The following PDE6A variants were observed in gnomAD, a reference collection of about 807,000 sequenced individuals.
The protein encoded by PDE6A is rod cGMP-specific 3',5'-cyclic phosphodiesterase subunit alpha.
Under a neutral mutation model 106.3 loss-of-function variants are expected in PDE6A, and 84 were observed. The ratio of observed to expected loss-of-function variants is 0.79; its 90% confidence interval spans 0.66 to 0.95. PDE6A has a LOEUF of 0.95. Ranked by LOEUF, PDE6A falls within the 40% of genes least tolerant of loss-of-function variation. The pLI is 0.00. For missense variants in PDE6A, 1,052 were observed against 1,084.9 expected (o/e 0.97, Z 0.43); for synonymous variants, 394 against 386.6 (o/e 1.02, Z -0.23).
chr5:149,919,433 A>C (rs1276313432), intron 5 of PDE6A, among the ~76,000 whole-genome samples: 1 of 152,212 alleles, frequency 6.6e-6, no homozygotes, highest in Non-Finnish European at 1.5e-5. Flanking sequence ...GCTTGAGCCC[A>C]GGAGGCGGAG....
chr5:149,896,650 T>G, intron 11 of PDE6A, 61 bp downstream of exon 11: 1 of 1,613,966 alleles, frequency 6.2e-7, no homozygotes, highest in East Asian at 2.2e-5. Flanking sequence ...AACCCCTGCA[T>G]GCTCAGGAGC....
At chr5:149,915,191 T>C (rs2113629093) in intron 5 of PDE6A, among the ~76,000 whole-genome samples, 184 bp from the exon 6 acceptor site, 2 of 152,016 alleles carry the variant, frequency 1.3e-5, no homozygotes, top group South Asian at 2.1e-4. Context: ...CGCACCACCA[T>C]GCCCGGCTAA....
rs771724102 is a variant in PDE6A, at chr5:149,863,982, C to T, written c.2359-716G>A. Among the ~76,000 whole-genome samples the T allele has an allele frequency of 4.6e-5, 7 of 152,130 alleles. No individual in the cohort carries two copies. The highest frequency in any genetic ancestry group is 5.9e-5 in the Non-Finnish European group (4 of 68,014). ...CCCGTTTTCTTCCTTGAGGCCTCCA[C>T]TTATATGTCACTTCCTCCAAGAAGC... On this transcript the variant is annotated intron_variant, in intron 20 of 21. Coordinates refer to ENST00000255266, the MANE Select transcript of PDE6A (RefSeq NM_000440.3). This position sits in a 1 kb window ranked among gnomAD's most constrained non-coding sequence, Gnocchi z 4.7.
chr5:149,931,235 A>T (rs1196671221), intron 3 of PDE6A, 67 bp from the exon 4 acceptor site: 4 of 1,448,640 alleles, frequency 2.8e-6, no homozygotes, highest in Non-Finnish European at 2.9e-6. Context: ...TAGCTGGAGA[A>T]TAACAACAAT....
intron 4 of PDE6A, among the ~76,000 whole-genome samples, chr5:149,928,233 T>TATA (rs1163863793): frequency 2.1e-4 from 2 of 9,628 alleles, no homozygotes; most frequent in South Asian, 1.9e-3. Context: ...ATATATATAT[T>TATA]TTTTTTTTTT....
intron 8 of PDE6A, among the ~76,000 whole-genome samples, chr5:149,902,018 G>C (rs1581184599): frequency 6.6e-6 from 1 of 152,332 alleles, no homozygotes; most frequent in East Asian, 1.9e-4. Context: ...ACCAAAGGAA[G>C]TCACATTTTA....
At chr5:149,897,399 C>A (rs1195419254) in intron 10 of PDE6A, among the ~76,000 whole-genome samples, 1 of 152,112 alleles carries the variant, frequency 6.6e-6, no homozygotes, top group South Asian at 2.1e-4. Flanking sequence ...CGAGGCTGTG[C>A]CCCGATAGGT....
At chr5:149,872,443 G>T (rs1240527084) in intron 17 of PDE6A, among the ~76,000 whole-genome samples, 1 of 151,954 alleles carries the variant, frequency 6.6e-6, no homozygotes, top group South Asian at 2.1e-4. Context: ...TCACGTTCTG[G>T]GTCACCCTCG....
chr5:149,880,639 G>A (rs547996532), intron 17 of PDE6A, among the ~76,000 whole-genome samples: 10 of 152,154 alleles, frequency 6.6e-5, no homozygotes, highest in African/African-American at 2.2e-4. Context: ...CTTGAACTCG[G>A]GAAGTGGAAG....
chr5:149,930,951 G>A, intron 4 of PDE6A, 77 bp downstream of exon 4: 8 of 1,442,456 alleles, frequency 5.5e-6, no homozygotes, highest in Non-Finnish European at 7.8e-6. Context: ...GCAATTGAAT[G>A]TGTGCCAAGA....
intron 15 of PDE6A, 23 bp downstream of exon 15, chr5:149,884,757 T>C: frequency 6.2e-7 from 1 of 1,604,464 alleles, no homozygotes; most frequent in Non-Finnish European, 8.5e-7. Flanking sequence ...CCGCGGCCTG[T>C]AGACCCTTGG....
rs1189536842 is a variant in PDE6A at position 149,860,976 on chromosome 5, A to G, written c.2507-5T>C. ...CCGGCTGATTTCCTGCGGCTGCTGC[A>G]ATGAAACAGGAAAAAGAACACACCA... On this transcript the variant is annotated splice_region_variant and splice_polypyrimidine_tract_variant and intron_variant, in intron 21 of 21. Transcript: ENST00000255266. 1 of 1,613,836 alleles carries G rather than the reference A, an allele frequency of 6.2e-7. No individual in the cohort carries two copies. The highest frequency in any genetic ancestry group is 8.5e-7 in the Non-Finnish European group (1 of 1,179,862).
In PDE6A at chr5:149,886,387, T is replaced by C; in HGVS notation, c.1729-13A>G. ...TCAGCTTTCCCGTCTGGAAGGGCAA[T>C]CAGAGTGCAAATCATTCCTTTTGTG... On this transcript the variant is annotated splice_polypyrimidine_tract_variant and intron_variant, in intron 13 of 21. Transcript: ENST00000255266. 1 of 1,598,762 alleles carries C rather than the reference T, an allele frequency of 6.3e-7. No individual in the cohort carries two copies. The highest frequency in any genetic ancestry group is 1.1e-5 in the South Asian group (1 of 90,716).
At chr5:149,930,908 A>C in intron 4 of PDE6A, 120 bp downstream of exon 4, 1 of 1,041,650 alleles carries the variant, frequency 9.6e-7, no homozygotes, top group South Asian at 1.3e-5. Context: ...GACTTTCTAC[A>C]ACCATCCCAA....
rs1479635891 is a variant in PDE6A, at chr5:149,863,176, C to T, written c.2449G>A (p.Asp817Asn). The part of the protein sequence containing the change: ...KEWKALADEY[D>N]AKMKVQEEKK... ...TCCTCCTGCACCTTCATCTTGGCAT[C>T]GTACTCATCAGCAAGCGCCTTCCAC... Residue 817 changes from aspartate (D) to asparagine (N), a missense_variant, in exon 21 of 22, where the codon GAT (aspartate) becomes AAT (asparagine). Coordinates refer to ENST00000255266, the MANE Select transcript of PDE6A (RefSeq NM_000440.3). This position sits in a 1 kb window ranked among gnomAD's most constrained non-coding sequence, Gnocchi z 4.7. 5.0e-6 allele frequency: 8 copies of T among 1,614,070 alleles called. No individual in the cohort carries two copies. The highest frequency in any genetic ancestry group is 4.5e-5 in the East Asian group (2 of 44,896).
intron 2 of PDE6A, 61 bp from the exon 3 acceptor site, chr5:149,934,080 T>C: frequency 1.1e-6 from 1 of 910,702 alleles, no homozygotes; most frequent in Non-Finnish European, 1.8e-6. Flanking sequence ...CTCTGGCTAC[T>C]TTTACCATCA....
At chr5:149,885,915 TC>T (rs1752279405) in intron 14 of PDE6A, among the ~76,000 whole-genome samples, 1 of 152,194 alleles carries the variant, frequency 6.6e-6, no homozygotes, top group South Asian at 2.1e-4. Context: ...GGTAGCATCT[TC>T]TTTCCTCTCT....
At chr5:149,919,098 C>T (rs901209844) in intron 5 of PDE6A, among the ~76,000 whole-genome samples, 2 of 152,222 alleles carry the variant, frequency 1.3e-5, no homozygotes, top group Admixed American at 1.3e-4. Context: ...TGCCTTAGGG[C>T]CACCTGTCCT....
intron 13 of PDE6A, among the ~76,000 whole-genome samples, chr5:149,888,488 TA>T (rs1298693489): frequency 2.0e-5 from 3 of 148,144 alleles, no homozygotes; most frequent in African/African-American, 7.3e-5. Flanking sequence ...ATGTTATTTA[TA>T]ATATATTAAT....
Sources: gnomAD v4.1 joint callset for allele counts (sites outside exome capture counted in the v4.1 genomes callset) on GRCh38, gnomAD v4.1.1 for gene constraint, Gnocchi (gnomAD v3.1) non-coding constraint, MANE v1.5 for transcripts, NCBI Gene and HGNC (gene_info 2026-07-23, HGNC 2026-07-21) for gene names.